EPS15L1: variants seen among roughly 807,000 people sequenced by gnomAD.
EPS15L1 encodes the protein epidermal growth factor receptor pathway substrate 15 like 1, also known as epidermal growth factor receptor substrate 15-like 1.
Under a neutral mutation model 117.1 loss-of-function variants are expected in EPS15L1, and 43 were observed. That is an observed-to-expected ratio of 0.37 (90% confidence interval 0.29 to 0.47). The LOEUF (loss-of-function observed/expected upper bound fraction) is 0.47, where lower values mean the gene tolerates loss of function less well. Among genes scored for constraint, EPS15L1 ranks in the 20% least tolerant of loss-of-function variants. The pLI is 0.99. For synonymous variants in EPS15L1, 459 were observed against 470.5 expected (o/e 0.98, Z 0.32); for missense variants, 981 against 1,164.0 (o/e 0.84, Z 2.29).
intron 16 of EPS15L1, among the ~76,000 whole-genome samples, chr19:16,398,994 G>GTT (rs201394637): frequency 1.0e-4 from 15 of 148,802 alleles, no homozygotes; most frequent in Non-Finnish European, 1.6e-4. Flanking sequence ...TATTTATAAG[G>GTT]TTTTTTTTTT....
intron 6 of EPS15L1, chr19:16,436,708 TC>T: frequency 2.2e-6 from 1 of 451,562 alleles, no homozygotes; most frequent in South Asian, 4.5e-5. Context: ...GGTAGGCAAC[TC>T]CCAATTCCAG....
At chr19:16,451,308 T>G (rs2093139974) in intron 1 of EPS15L1, among the ~76,000 whole-genome samples, 2 of 152,132 alleles carry the variant, frequency 1.3e-5, no homozygotes, top group Admixed American at 1.3e-4. Flanking sequence ...AAGTTTTGTT[T>G]TTTCTTTAAA....
intron 10 of EPS15L1, among the ~76,000 whole-genome samples, chr19:16,419,463 A>T (rs57617764): frequency 0.11 from 15,968 of 152,070 alleles, 1,350 homozygotes; most frequent in East Asian, 0.27. Flanking sequence ...TCTCAAAAAA[A>T]AAAAATAAAA....
chr19:16,393,705 A>C lies in EPS15L1; in HGVS notation c.1966+246T>G, dbSNP rs7508550. Among the ~76,000 whole-genome samples the C allele has an allele frequency of 0.13, 20,399 of 151,576 alleles. 1,434 individuals are homozygous for C. The highest frequency in any genetic ancestry group is 0.15 in the Non-Finnish European group (9,850 of 67,898). ...AATAAATAAATAAAATAAATAAATA[A>C]ATTAGCAAGCAATGTGATCCCACCA... On this transcript the variant is annotated intron_variant, in intron 18 of 23. Transcript: ENST00000455140.
chr19:16,445,896 C>T (rs529946549), intron 1 of EPS15L1, among the ~76,000 whole-genome samples: 1 of 152,334 alleles, frequency 6.6e-6, no homozygotes, highest in South Asian at 2.1e-4. Context: ...GTTCTCCTGA[C>T]CCAGCCCACT....
rs1459264849 is a variant in EPS15L1 at position 16,405,501 on chromosome 19, A to C, written c.1267-752T>G. Among the ~76,000 whole-genome samples, 1 of 152,164 alleles carries C rather than the reference A, an allele frequency of 6.6e-6. No homozygotes were observed. The highest frequency in any genetic ancestry group is 1.5e-5 in the Non-Finnish European group (1 of 68,026). On this transcript the variant is annotated intron_variant, in intron 13 of 23. Transcript: ENST00000455140. This position sits in a 1 kb window ranked among gnomAD's most constrained non-coding sequence, Gnocchi z 4.0. ...GCCCCATGATTCCACTTCCAAGAAA[A>C]GCATCCTGGAAGCATACAGCGTGTG...
chr19:16,394,356 A>G (rs963492428), intron 17 of EPS15L1, among the ~76,000 whole-genome samples: 1 of 152,146 alleles, frequency 6.6e-6, no homozygotes, highest in Non-Finnish European at 1.5e-5. Context: ...TCCCTGGGTA[A>G]GAGGACACAG....
intron 4 of EPS15L1, 106 bp from the exon 5 acceptor site, chr19:16,437,971 A>G (rs2145053520): frequency 3.6e-6 from 3 of 830,794 alleles, no homozygotes; most frequent in Non-Finnish European, 5.9e-6. Context: ...GCACTTCAAC[A>G]ATGAAGGCCG....
rs550456409 is a variant in EPS15L1 at position 16,405,251 on chromosome 19, G to A, written c.1267-502C>T. ...CAGAGCCTGGCGGAGGGAACCACAG[G>A]GACCCCAGGGTCGGGGGGTGTCGCA... On this transcript the variant is annotated intron_variant, in intron 13 of 23. Transcript: ENST00000455140. The surrounding 1 kb of genome is among the most constrained non-coding windows in gnomAD (Gnocchi z 4.0). Among the ~76,000 whole-genome samples, 1 of 152,168 alleles carries A rather than the reference G, an allele frequency of 6.6e-6. No homozygotes were observed. Among genetic ancestry groups the A allele is most frequent in the Non-Finnish European group, 1.5e-5 (1 of 68,028 alleles).
At chr19:16,394,048 T>A (rs781071553) in intron 17 of EPS15L1, 47 bp from the exon 18 acceptor site, 1 of 1,586,638 alleles carries the variant, frequency 6.3e-7, no homozygotes, top group Non-Finnish European at 8.7e-7. Flanking sequence ...GGGCACAGGA[T>A]GCGGGCCGGG....
At chr19:16,357,129 A>G in intron 23 of EPS15L1, 1 of 152,612 alleles carries the variant, frequency 6.6e-6, no homozygotes, top group Non-Finnish European at 1.5e-5. Flanking sequence ...TGGGGGAAAG[A>G]AGCACACAGG....
At chr19:16,417,700 C>T (rs1222529075) in intron 11 of EPS15L1, 63 bp from the exon 12 acceptor site, 25 of 1,421,728 alleles carry the variant, frequency 1.8e-5, no homozygotes, top group Non-Finnish European at 2.5e-5. Flanking sequence ...ACAGGAGGCA[C>T]CAGCAGTTCT....
intron 1 of EPS15L1, among the ~76,000 whole-genome samples, chr19:16,444,517 C>T (rs2093064758): frequency 1.3e-5 from 2 of 151,948 alleles, no homozygotes; most frequent in African/African-American, 4.8e-5. Flanking sequence ...AATATGTCTC[C>T]CCAGAGGAAG....
intron 21 of EPS15L1, among the ~76,000 whole-genome samples, chr19:16,379,472 G>C (rs1748984383): frequency 1.3e-5 from 2 of 152,196 alleles, no homozygotes; most frequent in Admixed American, 6.5e-5. Context: ...ACACTCCCAG[G>C]GTTTCCCTCG....
chr19:16,433,365 CAA>C (rs1264010207), intron 7 of EPS15L1, among the ~76,000 whole-genome samples: 21 of 152,132 alleles, frequency 1.4e-4, no homozygotes, highest in Middle Eastern at 3.4e-3. Context: ...CTCCTGACCT[CAA>C]GTTATCCACC....
intron 4 of EPS15L1, among the ~76,000 whole-genome samples, chr19:16,440,022 C>G (rs780326031): frequency 1.8e-4 from 24 of 135,820 alleles, no homozygotes; most frequent in Non-Finnish European, 3.1e-4. Context: ...GAGCCAAGAT[C>G]ATGTCACTGC....
intron 16 of EPS15L1, chr19:16,401,259 GC>G (rs1406242842): frequency 1.0e-6 from 1 of 985,396 alleles, no homozygotes; most frequent in Non-Finnish European, 1.2e-6. Context: ...CTTCCCAGCA[GC>G]CCAGGGGACG....
Position 16,404,561 on chromosome 19 carries a change from G to C in EPS15L1, c.1428+27C>G, listed in dbSNP as rs111980636. On this transcript the variant is annotated intron_variant, in intron 14 of 23. Coordinates refer to ENST00000455140, the MANE Select transcript of EPS15L1 (RefSeq NM_001258374.3). The surrounding 1 kb of genome is among the most constrained non-coding windows in gnomAD (Gnocchi z 4.2). ...GGAAGCCCCTGCCTGTGCATAGGGC[G>C]CTGCCCCGGAGGTGGCCGGGACCCA... 1 of 1,612,718 alleles carries C rather than the reference G, an allele frequency of 6.2e-7. No individual in the cohort carries two copies. The highest frequency in any genetic ancestry group is 1.3e-5 in the African/African-American group (1 of 74,894).
rs142506606 is a variant in EPS15L1, at chr19:16,395,423, C to A, written c.1836G>T (p.Thr612=). The A allele has an allele frequency of 7.4e-6, 12 of 1,613,280 alleles. No homozygotes were observed. The South Asian group carries it at 1.2e-4, about 16-fold the overall frequency. Residue 612 remains threonine, a synonymous_variant, in exon 17 of 24, where the codon ACG becomes ACT. Transcript: ENST00000455140. ...KNKALLFSNN[T]QELHPDPFQT... Reference sequence around the variant, plus strand: ...GGAAAGGATCCGGATGCAACTCTTGCGTGTTGTTGCTAAATAACAAGGCTT... The same window carrying A: ...GGAAAGGATCCGGATGCAACTCTTGAGTGTTGTTGCTAAATAACAAGGCTT...
Sources: allele counts gnomAD v4.1 joint callset (sites outside exome capture counted in the v4.1 genomes callset), GRCh38; gene constraint gnomAD v4.1.1; non-coding constraint Gnocchi (gnomAD v3.1); transcripts MANE v1.5; gene names NCBI Gene and HGNC (gene_info 2026-07-23, HGNC 2026-07-21).